The following CCDC149 variants were observed in gnomAD, a reference collection of about 807,000 sequenced individuals.
CCDC149 encodes coiled-coil domain-containing protein 149.
A neutral mutation model predicts 59.9 loss-of-function variants in CCDC149; 45 were observed. That is an observed-to-expected ratio of 0.75 (90% confidence interval 0.59 to 0.96). CCDC149 has a LOEUF of 0.96. CCDC149 is among the 40% of genes least tolerant of loss of function. The probability of loss-of-function intolerance (pLI) is 0.00; values close to 1 mark genes in which losing one functional copy is unlikely to be tolerated. For synonymous variants in CCDC149, 245 were observed against 260.6 expected (o/e 0.94, Z 0.58); for missense variants, 584 against 664.7 (o/e 0.88, Z 1.33).
At chr4:24,974,664 G>C (rs748976127) in intron 1 of CCDC149, among the ~76,000 whole-genome samples, 5 of 152,178 alleles carry the variant, frequency 3.3e-5, no homozygotes, top group Non-Finnish European at 7.3e-5. Flanking sequence ...CCCCACACCA[G>C]TCTGCATTCA....
At chr4:24,883,199 TTTTC>T (rs1169507210) in intron 1 of CCDC149, among the ~76,000 whole-genome samples, 1 of 70,520 alleles carries the variant, frequency 1.4e-5, no homozygotes, top group Non-Finnish European at 3.9e-5. Flanking sequence ...CCTTGTTTTC[TTTTC>T]TTTTTTTTTT....
At chr4:24,972,733 T>C (rs1409171645) in intron 1 of CCDC149, among the ~76,000 whole-genome samples, 2 of 152,222 alleles carry the variant, frequency 1.3e-5, no homozygotes, top group African/African-American at 2.4e-5. Context: ...GACCCTGGCA[T>C]AACATCACAT....
intron 3 of CCDC149, among the ~76,000 whole-genome samples, chr4:24,870,226 T>A (rs1056264313): frequency 2.6e-5 from 4 of 152,192 alleles, no homozygotes; most frequent in African/African-American, 9.7e-5. Flanking sequence ...AACAATACAA[T>A]TTTCTACATT....
chr4:24,866,823 C>A (rs55919807), intron 3 of CCDC149, among the ~76,000 whole-genome samples: 13 of 142,190 alleles, frequency 9.1e-5, no homozygotes, highest in East Asian at 6.2e-4. Context: ...ACACACACAC[C>A]CACACACACA....
chr4:24,942,004 C>A (rs913573859), intron 1 of CCDC149, among the ~76,000 whole-genome samples: 4 of 152,194 alleles, frequency 2.6e-5, no homozygotes, highest in African/African-American at 4.8e-5. Flanking sequence ...TGAAACTATT[C>A]CAATCAATAG....
intron 11 of CCDC149, among the ~76,000 whole-genome samples, chr4:24,820,632 G>C (rs1366193647): frequency 1.3e-5 from 2 of 152,194 alleles, no homozygotes; most frequent in East Asian, 3.9e-4. Flanking sequence ...AGACTGATCT[G>C]ATTTATACTA....
At chr4:24,945,823 T>G (rs1419768368) in intron 1 of CCDC149, among the ~76,000 whole-genome samples, 1 of 152,116 alleles carries the variant, frequency 6.6e-6, no homozygotes, top group Non-Finnish European at 1.5e-5. Flanking sequence ...GGTTTCACCA[T>G]GTTGGCCAGA....
intron 1 of CCDC149, among the ~76,000 whole-genome samples, chr4:24,896,177 C>T (rs1032134014): frequency 2.0e-5 from 3 of 152,154 alleles, no homozygotes; most frequent in South Asian, 2.1e-4. Flanking sequence ...GAGCATTTCA[C>T]GAACACTCTG....
chr4:24,926,754 C>T (rs1722442886), intron 1 of CCDC149, among the ~76,000 whole-genome samples: 1 of 152,152 alleles, frequency 6.6e-6, no homozygotes, highest in Admixed American at 6.5e-5. Context: ...CAGCTGGAAA[C>T]GCTTGAAGGT....
intron 1 of CCDC149, among the ~76,000 whole-genome samples, chr4:24,897,703 G>C (rs1720917541): frequency 1.3e-5 from 2 of 152,122 alleles, no homozygotes; most frequent in African/African-American, 4.8e-5. Flanking sequence ...GGCCAGAGAG[G>C]GGTATGAATG....
intron 12 of CCDC149, among the ~76,000 whole-genome samples, chr4:24,814,535 C>T (rs977131580): frequency 3.3e-5 from 5 of 152,208 alleles, no homozygotes; most frequent in Non-Finnish European, 7.3e-5. Context: ...CCAGCAGTGG[C>T]AGCATCACCT....
At chr4:24,872,105 C>A (rs1355386245) in intron 3 of CCDC149, among the ~76,000 whole-genome samples, 1 of 152,088 alleles carries the variant, frequency 6.6e-6, no homozygotes, top group Non-Finnish European at 1.5e-5. Context: ...TATTATAAAG[C>A]AAAACAATAA....
intron 1 of CCDC149, among the ~76,000 whole-genome samples, chr4:24,911,762 G>A (rs923286331): frequency 6.6e-6 from 1 of 152,226 alleles, no homozygotes; most frequent in Non-Finnish European, 1.5e-5. Flanking sequence ...TGGGCATGAA[G>A]CACTATTATC....
intron 1 of CCDC149, among the ~76,000 whole-genome samples, chr4:24,877,125 G>T (rs184559180): frequency 1.2e-4 from 18 of 152,146 alleles, no homozygotes; most frequent in Non-Finnish European, 2.2e-4. Flanking sequence ...TTTTCTTGAT[G>T]CTTTTCTGTG....
intron 1 of CCDC149, among the ~76,000 whole-genome samples, chr4:24,955,132 A>T (rs1380781708): frequency 6.6e-6 from 1 of 152,146 alleles, no homozygotes; most frequent in Non-Finnish European, 1.5e-5. Flanking sequence ...TATGGAGAAG[A>T]AAAGTTTATT....
intron 1 of CCDC149, among the ~76,000 whole-genome samples, chr4:24,881,654 G>C (rs77137608): frequency 2.0e-5 from 3 of 152,132 alleles, no homozygotes; most frequent in East Asian, 1.9e-4. Flanking sequence ...GGGACTGTCT[G>C]GGGGGGAGAA....
chr4:24,903,575 T>C (rs1253286890), intron 1 of CCDC149, among the ~76,000 whole-genome samples: 1 of 152,218 alleles, frequency 6.6e-6, no homozygotes, highest in Non-Finnish European at 1.5e-5. Flanking sequence ...TGAAAAATAC[T>C]GAGTTTACTG....
chr4:24,909,987 A>G (rs1402391152), intron 1 of CCDC149, among the ~76,000 whole-genome samples: 1 of 152,204 alleles, frequency 6.6e-6, no homozygotes, highest in Non-Finnish European at 1.5e-5. Flanking sequence ...ACGGACTAAT[A>G]CATTGCTGTA....
Position 24,807,478 on chromosome 4 carries a change from G to T in CCDC149, c.*911C>A, listed in dbSNP as rs1198053436. 6.6e-6 allele frequency: 1 copy of T among 152,234 alleles called. No homozygotes were observed. The highest frequency in any genetic ancestry group is 1.9e-4 in the East Asian group (1 of 5,198). 9.4% of individuals were successfully genotyped at this position (152,234 alleles called of 1,614,324 possible). A position where few individuals can be genotyped will look rare whatever the true frequency, so the allele number is the denominator to read the frequency against. ...AGGAGTGAAGGGTTTGGAAGTTCCAGGTGGTGCAGGAAACTAGACTGGCTC... is the reference window on the plus strand; with the variant it reads ...AGGAGTGAAGGGTTTGGAAGTTCCATGTGGTGCAGGAAACTAGACTGGCTC... On this transcript the variant is annotated 3_prime_UTR_variant, in exon 13 of 13. Transcript: ENST00000635206.
Sources: allele counts gnomAD v4.1 joint callset (sites outside exome capture counted in the v4.1 genomes callset), GRCh38; gene constraint gnomAD v4.1.1; transcripts MANE v1.5; gene names NCBI Gene and HGNC (gene_info 2026-07-23, HGNC 2026-07-21).